CTNNA2: variants seen among roughly 807,000 people sequenced by gnomAD.
CTNNA2 encodes catenin alpha-2.
A neutral mutation model predicts 101.0 loss-of-function variants in CTNNA2; 42 were observed. That is an observed-to-expected ratio of 0.42 (90% CI 0.32 to 0.54). The LOEUF (loss-of-function observed/expected upper bound fraction) is 0.54, where lower values mean the gene tolerates loss of function less well. Among genes scored for constraint, CTNNA2 ranks in the 20% least tolerant of loss-of-function variants. CTNNA2 has a pLI of 0.14. For synonymous variants in CTNNA2, 450 were observed against 456.4 expected, an observed-to-expected ratio of 0.99 and a Z score of 0.18; for missense variants, 871 against 1,223.1, an observed-to-expected ratio of 0.71 and a Z score of 4.29.
intron 16 of CTNNA2, among the ~76,000 whole-genome samples, chr2:80,606,232 C>T (rs216666): frequency 0.49 from 74,963 of 151,592 alleles, 18,802 homozygotes; most frequent in African/African-American, 0.54. Context: ...AAGTATTTCT[C>T]GGCATCTTTA....
At chr2:80,262,715 G>T (rs555680179) in intron 7 of CTNNA2, among the ~76,000 whole-genome samples, 29 of 152,128 alleles carry the variant, frequency 1.9e-4, no homozygotes, top group Non-Finnish European at 3.7e-4. Context: ...ACAGATAAGG[G>T]TTAGCAATGC....
intron 4 of CTNNA2, among the ~76,000 whole-genome samples, chr2:79,392,086 A>G (rs1164596790): frequency 6.6e-6 from 1 of 152,218 alleles, no homozygotes; most frequent in African/African-American, 2.4e-5. Context: ...GGATATATTA[A>G]CATTGAAACT....
At chr2:79,909,240 C>A (rs1685627259) in intron 6 of CTNNA2, among the ~76,000 whole-genome samples, 1 of 152,170 alleles carries the variant, frequency 6.6e-6, no homozygotes, top group Non-Finnish European at 1.5e-5. Context: ...GCTCTAAAAT[C>A]TTTATATAAT....
intron 7 of CTNNA2, among the ~76,000 whole-genome samples, chr2:80,267,726 G>A (rs530539870): frequency 2.6e-5 from 4 of 152,218 alleles, no homozygotes; most frequent in Non-Finnish European, 5.9e-5. Context: ...TCTGTAGAAT[G>A]AATACATGCA....
intron 4 of CTNNA2, among the ~76,000 whole-genome samples, chr2:79,438,479 T>C (rs991118112): frequency 2.0e-5 from 3 of 152,186 alleles, no homozygotes; most frequent in Admixed American, 2.0e-4. Context: ...GATGAGGGTT[T>C]TTTAATGTCA....
intron 7 of CTNNA2, among the ~76,000 whole-genome samples, chr2:80,355,176 T>A (rs1170071717): frequency 6.6e-6 from 1 of 152,152 alleles, no homozygotes; most frequent in Non-Finnish European, 1.5e-5. Context: ...ATTCTCTCTT[T>A]TTTTCCTTAG....
intron 7 of CTNNA2, among the ~76,000 whole-genome samples, chr2:80,267,054 A>C (rs909765254): frequency 2.6e-5 from 4 of 152,166 alleles, no homozygotes; most frequent in Admixed American, 2.0e-4. Context: ...CCCCAGCTGA[A>C]AAACACCTAT....
chr2:80,203,928 C>T (rs1707366610), intron 7 of CTNNA2, among the ~76,000 whole-genome samples: 2 of 152,322 alleles, frequency 1.3e-5, no homozygotes, highest in African/African-American at 2.4e-5. Flanking sequence ...CAATTCTTGA[C>T]TTCTGTGCAC....
rs917802862 is a variant in CTNNA2 at position 80,303,514 on chromosome 2, G to A, written c.1057-89697G>A. The A allele has an allele frequency of 3.1e-6, 5 of 1,614,136 alleles. No individual in the cohort carries two copies. The African/African-American group carries it at 4.0e-5, about 13-fold the overall frequency. ...TCTGAAAGGCGTCCCCCTGCACGGA[G>A]CAGATGTGATTGTGATCCAGATAGA... On this transcript the variant is annotated intron_variant, in intron 7 of 18. Transcript: ENST00000402739. This position sits in a 1 kb window ranked among gnomAD's most constrained non-coding sequence, Gnocchi z 7.7.
intron 9 of CTNNA2, among the ~76,000 whole-genome samples, chr2:80,465,125 A>ATTCCCTTGTTCAGTATTGTTCAATACAAT (rs1388682487): frequency 1.3e-5 from 2 of 152,150 alleles, no homozygotes; most frequent in Non-Finnish European, 2.9e-5. Flanking sequence ...TCTTGCCATG[A>ATTCCCTTGTTCAGTATTGTTCAATACAAT]CTTGTTCAGT....
chr2:79,760,532 A>G (rs1476037133), intron 3 of CTNNA2, among the ~76,000 whole-genome samples: 1 of 152,006 alleles, frequency 6.6e-6, no homozygotes, highest in Non-Finnish European at 1.5e-5. Flanking sequence ...AAGGCCTTCT[A>G]CCTGGTTCAA....
Position 80,589,615 on chromosome 2 carries a change from C to A in CTNNA2, c.2189+130C>A, listed in dbSNP as rs920540103. ...GCAAGGTGGTGGTATTATAAATTTACATGTATAAGTCAAAATGATCTGCAC... is the reference window on the plus strand; with the variant it reads ...GCAAGGTGGTGGTATTATAAATTTAAATGTATAAGTCAAAATGATCTGCAC... On this transcript the variant is annotated intron_variant, in intron 15 of 18. Transcript: ENST00000402739. The A allele has an allele frequency of 4.9e-6, 4 of 813,500 alleles. No individual in the cohort carries two copies. In the African/African-American group the frequency reaches 5.2e-5, roughly 11 times the overall value. 50.4% of individuals were successfully genotyped at this position (813,500 alleles called of 1,614,324 possible). A position where few individuals can be genotyped will look rare whatever the true frequency, so the allele number is the denominator to read the frequency against.
At chr2:79,346,370 G>C (rs1440594787) in intron 3 of CTNNA2, among the ~76,000 whole-genome samples, 1 of 152,102 alleles carries the variant, frequency 6.6e-6, no homozygotes, top group Non-Finnish European at 1.5e-5. Flanking sequence ...TAACTCTTCA[G>C]CTATTCATTC....
chr2:79,866,149 T>C (rs1197706010), intron 4 of CTNNA2, among the ~76,000 whole-genome samples: 1 of 152,198 alleles, frequency 6.6e-6, no homozygotes, highest in African/African-American at 2.4e-5. Context: ...GCTTTAGGAA[T>C]GGTGGTACAG....
In CTNNA2 at chr2:79,672,746, C is replaced by G. The variant is rs1046752150; in HGVS notation, c.102+21088C>G. Among the ~76,000 whole-genome samples the G allele has an allele frequency of 3.6e-5, 5 of 140,210 alleles. No individual in the cohort carries two copies. The South Asian group carries it at 1.1e-3, about 32-fold the overall frequency. The allele number at this position is 140,210 out of a possible 152,430, so 92.0% of individuals were successfully genotyped here. On this transcript the variant is annotated intron_variant, in intron 2 of 18. Transcript: ENST00000402739. ...TTTTTGAGACGGAGTTTTGCTCTTA[C>G]TGCCCAGGCTGGAATGCAGTGGCAC... is the stretch of plus-strand genomic sequence containing the variant.
chr2:79,338,575 A>ATCTTCT (rs1239699778), intron 3 of CTNNA2, among the ~76,000 whole-genome samples: 14,668 of 114,610 alleles, frequency 0.13, 1,357 homozygotes, highest in African/African-American at 0.14. Context: ...CTTCCTCCTC[A>ATCTTCT]TCATCTTCTT....
intron 7 of CTNNA2, among the ~76,000 whole-genome samples, chr2:79,972,566 T>C (rs938006440): frequency 6.6e-6 from 1 of 152,164 alleles, no homozygotes; most frequent in Admixed American, 6.5e-5. Flanking sequence ...CGTCTTTACG[T>C]CTAGGTGCAA....
At chr2:79,850,485 C>T (rs4852165) in intron 3 of CTNNA2, among the ~76,000 whole-genome samples, 126,337 of 151,292 alleles carry the variant, frequency 0.84, 52,855 homozygotes, top group African/African-American at 0.88. Flanking sequence ...CTTCCTATAC[C>T]CTGTAAACTG....
rs187175711 is a variant in CTNNA2 at position 80,162,365 on chromosome 2, A to G, written c.1057-230846A>G. 6.3e-4 allele frequency: 816 copies of G among 1,298,984 alleles called. 5 individuals carry two copies. Among genetic ancestry groups the G allele is most frequent in the South Asian group, 4.7e-3 (307 of 65,120 alleles). The allele number at this position is 1,298,984 out of a possible 1,614,324, so 80.5% of individuals were successfully genotyped here. A position where few individuals can be genotyped will look rare whatever the true frequency, so the allele number is the denominator to read the frequency against. On this transcript the variant is annotated intron_variant, in intron 7 of 18. Transcript: ENST00000402739. The stretch of plus-strand genomic sequence containing the variant: ...GACAACTTGTAAAGCTGCTCTGTAC[A>G]GTTTTTCAACAAAATATTTCCATAT...
Sources: allele counts gnomAD v4.1 joint callset (sites outside exome capture counted in the v4.1 genomes callset), GRCh38; gene constraint gnomAD v4.1.1; non-coding constraint Gnocchi (gnomAD v3.1); transcripts MANE v1.5; gene names NCBI Gene and HGNC (gene_info 2026-07-23, HGNC 2026-07-21).